AAK1: variants seen among roughly 807,000 people sequenced by gnomAD.
AAK1 encodes AP2 associated kinase 1.
Under a neutral mutation model 116.0 loss-of-function variants are expected in AAK1, and 37 were observed. That is an observed-to-expected ratio of 0.32 (90% confidence interval 0.25 to 0.42). The LOEUF is 0.42. Ranked by LOEUF, AAK1 falls within the 10% of genes least tolerant of loss-of-function variation. The pLI, the probability that AAK1 is intolerant of heterozygous loss-of-function variation, is 1.00. For missense variants in AAK1, 919 were observed against 1,170.6 expected, an observed-to-expected ratio of 0.79 and a Z score of 3.14; for synonymous variants, 458 against 439.9, an observed-to-expected ratio of 1.04 and a Z score of -0.51.
chr2:69,567,107 G>A (rs1000818066), intron 2 of AAK1, among the ~76,000 whole-genome samples: 7 of 152,184 alleles, frequency 4.6e-5, no homozygotes, highest in Admixed American at 4.6e-4. Flanking sequence ...TGCTCACTCT[G>A]TTCCAGCCAC....
chr2:69,569,008 T>A (rs1671989487), intron 2 of AAK1, among the ~76,000 whole-genome samples: 1 of 152,102 alleles, frequency 6.6e-6, no homozygotes, highest in African/African-American at 2.4e-5. Context: ...CCAGAATCCA[T>A]CCCTTCTACT....
intron 17 of AAK1, among the ~76,000 whole-genome samples, chr2:69,487,589 TCATA>T (rs1675346267): frequency 6.6e-6 from 1 of 152,298 alleles, no homozygotes; most frequent in South Asian, 2.1e-4. Flanking sequence ...CTGGGACAGT[TCATA>T]CCTGAAATGT....
At chr2:69,482,445 C>G (rs1675126068) in intron 18 of AAK1, 1 of 601,654 alleles carries the variant, frequency 1.7e-6, no homozygotes, top group South Asian at 2.2e-5. Context: ...GTTCTTCTAA[C>G]TAAATGTGAA....
intron 7 of AAK1, 111 bp downstream of exon 7, chr2:69,530,514 C>A: frequency 4.8e-6 from 4 of 835,358 alleles, no homozygotes; most frequent in Non-Finnish European, 5.7e-6. Flanking sequence ...GGTAAGTAGA[C>A]CATGATATGG....
intron 3 of AAK1, among the ~76,000 whole-genome samples, chr2:69,548,087 G>A (rs1254877616): frequency 6.6e-6 from 1 of 152,160 alleles, no homozygotes; most frequent in African/African-American, 2.4e-5. Flanking sequence ...GCTGTGGAGA[G>A]GGGGAATAAG....
intron 2 of AAK1, among the ~76,000 whole-genome samples, chr2:69,635,350 G>T (rs1475632222): frequency 6.6e-6 from 1 of 152,214 alleles, no homozygotes; most frequent in Non-Finnish European, 1.5e-5. Context: ...TGATGGGAAT[G>T]AAACATGGGT....
intron 16 of AAK1, chr2:69,500,056 A>G (rs144993667): frequency 6.6e-6 from 1 of 152,326 alleles, no homozygotes; most frequent in African/African-American, 2.4e-5. Flanking sequence ...AGCTTTTACC[A>G]TACAAATGTT....
In AAK1 at chr2:69,468,567, C is replaced by T. The variant is rs1393531289; in HGVS notation, c.*7302G>A. 1.0e-6 allele frequency: 1 copy of T among 985,266 alleles called. No homozygotes were observed. The highest frequency in any genetic ancestry group is 6.2e-5 in the Admixed American group (1 of 16,256). The allele number at this position is 985,266 out of a possible 1,614,324, so 61.0% of individuals were successfully genotyped here. A position where few individuals can be genotyped will look rare whatever the true frequency, so the allele number is the denominator to read the frequency against. On this transcript the variant is annotated 3_prime_UTR_variant, in exon 22 of 22. Transcript: ENST00000409085. ...AGGGAAAAAAAATGGAAAACTTAGT[C>T]AAGCCAGTGACCAACTCTGGCATCA...
chr2:69,467,641 C>G lies in AAK1; in HGVS notation c.*8228G>C, dbSNP rs1282047055. ...ATTTGGAGCCATAGATGACCCAGAA[C>G]CTCTGTAGAGATGGAACTCAATGAT... is the stretch of plus-strand genomic sequence containing the variant. On this transcript the variant is annotated 3_prime_UTR_variant, in exon 22 of 22. Transcript: ENST00000409085. The G allele has an allele frequency of 1.0e-6, 1 of 985,256 alleles. No homozygotes were observed. Among genetic ancestry groups the G allele is most frequent in the East Asian group, 1.1e-4 (1 of 8,818 alleles). The allele number at this position is 985,256 out of a possible 1,614,324, so 61.0% of individuals were successfully genotyped here.
At position 69,473,743 on chromosome 2, in the gene AAK1, AT is replaced by A; in HGVS notation, c.*2125del. 1 of 973,980 alleles carries A rather than the reference AT, an allele frequency of 1.0e-6. No homozygotes were observed. Among genetic ancestry groups the A allele is most frequent in the South Asian group, 4.8e-5 (1 of 21,036 alleles). 60.3% of individuals were successfully genotyped at this position (973,980 alleles called of 1,614,324 possible). ...TTTCTAACATGTATATACGAAAAAA[AT>A]CAAATATGAAAACATAGAACTCAAA... is the stretch of plus-strand genomic sequence containing the variant. On this transcript the variant is annotated 3_prime_UTR_variant, in exon 22 of 22. Transcript: ENST00000409085.
intron 2 of AAK1, among the ~76,000 whole-genome samples, chr2:69,632,895 T>C (rs1406717650): frequency 6.6e-6 from 1 of 151,930 alleles, no homozygotes; most frequent in East Asian, 1.9e-4. Context: ...TAGCCGGGCA[T>C]GGTGGTGGGC....
intron 2 of AAK1, among the ~76,000 whole-genome samples, chr2:69,567,094 C>T (rs1671906592): frequency 6.6e-6 from 1 of 152,240 alleles, no homozygotes; most frequent in African/African-American, 2.4e-5. Flanking sequence ...CTCCACCTTC[C>T]AGTGCTCACT....
chr2:69,628,552 G>C (rs1169349373), intron 2 of AAK1, among the ~76,000 whole-genome samples: 2 of 152,118 alleles, frequency 1.3e-5, no homozygotes, highest in Admixed American at 1.3e-4. Context: ...TTTGTGTTCT[G>C]TGAGCTAACC....
At chr2:69,540,774 CAT>C (rs1454773885) in intron 5 of AAK1, among the ~76,000 whole-genome samples, 2 of 152,178 alleles carry the variant, frequency 1.3e-5, no homozygotes, top group Non-Finnish European at 2.9e-5. Context: ...GAATTCAAAA[CAT>C]ATGTCCACAC....
chr2:69,628,144 CA>C (rs1227312798), intron 2 of AAK1, among the ~76,000 whole-genome samples: 1 of 152,160 alleles, frequency 6.6e-6, no homozygotes, highest in Non-Finnish European at 1.5e-5. Flanking sequence ...GTTAACAATC[CA>C]CCTCAAAACT....
chr2:69,510,449 T>C (rs1676351735), intron 13 of AAK1, among the ~76,000 whole-genome samples: 1 of 152,234 alleles, frequency 6.6e-6, no homozygotes, highest in African/African-American at 2.4e-5. Context: ...CAATCTCCCA[T>C]TGATGGGCAT....
At chr2:69,635,467 G>T (rs192549126) in intron 2 of AAK1, among the ~76,000 whole-genome samples, 2 of 152,186 alleles carry the variant, frequency 1.3e-5, no homozygotes, top group Non-Finnish European at 2.9e-5. Context: ...AGAACGCAGG[G>T]TCTTGAAGAG....
intron 14 of AAK1, among the ~76,000 whole-genome samples, chr2:69,507,868 G>T (rs1379192784): frequency 6.6e-6 from 1 of 152,014 alleles, no homozygotes; most frequent in Non-Finnish European, 1.5e-5. Context: ...CACCACGCCT[G>T]GCTAATTTTT....
At position 69,475,805 on chromosome 2, in the gene AAK1, T is replaced by G; in HGVS notation, c.*64A>C. 1 of 1,524,784 alleles carries G rather than the reference T, an allele frequency of 6.6e-7. No individual in the cohort carries two copies. The highest frequency in any genetic ancestry group is 8.9e-7 in the Non-Finnish European group (1 of 1,127,396). 94.5% of individuals were successfully genotyped at this position (1,524,784 alleles called of 1,614,324 possible). On this transcript the variant is annotated 3_prime_UTR_variant, in exon 22 of 22. Transcript: ENST00000409085. Reference sequence around the variant, plus strand: ...TTAAAAAAATCATTTTTTTCATAACTCCGTAATGAAAATGTATTTTACGGT... The same window carrying G: ...TTAAAAAAATCATTTTTTTCATAACGCCGTAATGAAAATGTATTTTACGGT...
Sources: allele counts gnomAD v4.1 joint callset (sites outside exome capture counted in the v4.1 genomes callset), GRCh38; gene constraint gnomAD v4.1.1; transcripts MANE v1.5; gene names NCBI Gene and HGNC (gene_info 2026-07-23, HGNC 2026-07-21).